Variants in TRPM8 observed in about 807,000 individuals in gnomAD.
TRPM8 encodes TRPM8 cationic channel.
In TRPM8, 110 loss-of-function variants were observed where a neutral mutation model predicts 133.7. The observed-to-expected ratio is 0.82, with a 90% CI of 0.70 to 0.96. The LOEUF is 0.96. Ranked by LOEUF, TRPM8 falls within the 40% of genes least tolerant of loss-of-function variation. The pLI, the probability that TRPM8 is intolerant of heterozygous loss-of-function variation, is 0.00. For synonymous variants in TRPM8, 535 were observed against 532.3 expected, an observed-to-expected ratio of 1.01 and a Z score of -0.07; for missense variants, 1,291 against 1,379.5, an observed-to-expected ratio of 0.94 and a Z score of 1.02.
rs1278273436 is a variant in TRPM8, at chr2:233,927,778, CTTTCTTTCTTTCTTTTCT to C, written c.117+1127_117+1144del. Among the ~76,000 whole-genome samples, 326 of 46,104 alleles carry C rather than the reference CTTTCTTTCTTTCTTTTCT, an allele frequency of 7.1e-3. 22 individuals are homozygous for C. Among genetic ancestry groups the C allele is most frequent in the African/African-American group, 0.04 (151 of 3,736 alleles). 30.2% of individuals were successfully genotyped at this position (46,104 alleles called of 152,430 possible). ...TCTTTCTTTCTTTCTTTCTTTCTTT[CTTTCTTTCTTTCTTTTCT>C]TTCCTTCCTTCCTTCCTTCCTTCCT... On this transcript the variant is annotated intron_variant, in intron 2 of 25. Transcript: ENST00000324695.
chr2:233,974,223 G>C (rs1313703661), intron 17 of TRPM8, among the ~76,000 whole-genome samples: 1 of 151,796 alleles, frequency 6.6e-6, no homozygotes, highest in Non-Finnish European at 1.5e-5. Context: ...AATTTTTTTT[G>C]TTTTTTAGTT....
intron 17 of TRPM8, among the ~76,000 whole-genome samples, chr2:233,978,920 A>G (rs945047060): frequency 6.6e-6 from 1 of 152,174 alleles, no homozygotes; most frequent in Non-Finnish European, 1.5e-5. Context: ...GCTTCTTGAG[A>G]AATTAATGAT....
chr2:233,947,036 GGTGA>G, intron 7 of TRPM8, 48 bp from the exon 8 acceptor site: 1 of 1,549,994 alleles, frequency 6.5e-7, no homozygotes, highest in East Asian at 2.3e-5. Context: ...CACAGAGGTA[GGTGA>G]GTATTTCTAA....
chr2:233,938,662 T>C (rs1233698601), intron 4 of TRPM8, among the ~76,000 whole-genome samples: 1 of 151,792 alleles, frequency 6.6e-6, no homozygotes, highest in Non-Finnish European at 1.5e-5. Context: ...TCTTTTGAGT[T>C]TCTGATTAGC....
rs571854277 is a variant in TRPM8, at chr2:233,928,312, G to T, written c.117+1658G>T. Among the ~76,000 whole-genome samples, 61 of 152,230 alleles carry T rather than the reference G, an allele frequency of 4.0e-4. 1 individual carries two copies. Among genetic ancestry groups the T allele is most frequent in the Middle Eastern group, 3.4e-3 (1 of 294 alleles). On this transcript the variant is annotated intron_variant, in intron 2 of 25. Coordinates refer to ENST00000324695, the MANE Select transcript of TRPM8 (RefSeq NM_024080.5). Reference sequence around the variant, plus strand: ...AGCCTGCCACTGTGACCTCCTGCTGGATGGGTCTCCTCTCCTCAGCCCCTG... The same window carrying T: ...AGCCTGCCACTGTGACCTCCTGCTGTATGGGTCTCCTCTCCTCAGCCCCTG...
At chr2:233,925,057 T>C (rs1691487211) in intron 1 of TRPM8, among the ~76,000 whole-genome samples, 1 of 151,830 alleles carries the variant, frequency 6.6e-6, no homozygotes, top group African/African-American at 2.4e-5. Flanking sequence ...GATGGAGGAG[T>C]CATGGCCCCC....
intron 22 of TRPM8, among the ~76,000 whole-genome samples, chr2:233,999,634 C>A (rs918777794): frequency 3.3e-5 from 5 of 152,218 alleles, no homozygotes; most frequent in Non-Finnish European, 7.3e-5. Context: ...AGAAGGGGAG[C>A]TTCTCACTGC....
rs1692918880 is a variant in TRPM8 at position 234,014,783 on chromosome 2, G to A, written c.*42+129G>A. 5 of 272,280 alleles carry A rather than the reference G, an allele frequency of 1.8e-5. No individual in the cohort carries two copies. The South Asian group carries it at 1.9e-4, about 10-fold the overall frequency. The allele number at this position is 272,280 out of a possible 1,614,324, so 16.9% of individuals were successfully genotyped here. On this transcript the variant is annotated intron_variant, in intron 25 of 25. Coordinates refer to ENST00000324695, the MANE Select transcript of TRPM8 (RefSeq NM_024080.5). ...ACCAAATTTGAAAATAATGCATTGT[G>A]CAAAAAAAAAAAATACAGAGATAGA...
intron 17 of TRPM8, among the ~76,000 whole-genome samples, chr2:233,971,684 C>T (rs1691723842): frequency 1.3e-5 from 2 of 152,084 alleles, no homozygotes; most frequent in African/African-American, 4.8e-5. Flanking sequence ...TTCGGAGTTT[C>T]TTCCTTCTGG....
At chr2:233,920,465 C>T (rs1316760662) in intron 1 of TRPM8, among the ~76,000 whole-genome samples, 1 of 152,130 alleles carries the variant, frequency 6.6e-6, no homozygotes, top group Non-Finnish European at 1.5e-5. Context: ...TGGACAAATC[C>T]TTAGCTATCT....
intron 13 of TRPM8, 43 bp downstream of exon 13, chr2:233,963,420 T>G (rs756023296): frequency 4.7e-6 from 6 of 1,264,030 alleles, no homozygotes; most frequent in Non-Finnish European, 6.9e-6. Flanking sequence ...AAATATATGC[T>G]TTGTTATAAC....
chr2:233,951,655 C>T (rs1181596657), intron 9 of TRPM8, among the ~76,000 whole-genome samples: 1 of 152,164 alleles, frequency 6.6e-6, no homozygotes, highest in African/African-American at 2.4e-5. Flanking sequence ...ATTATCCTTT[C>T]TGCAATTCAT....
chr2:233,977,654 T>C (rs1412854680), intron 17 of TRPM8, among the ~76,000 whole-genome samples: 1 of 152,184 alleles, frequency 6.6e-6, no homozygotes, highest in Non-Finnish European at 1.5e-5. Context: ...GGACAGTTCC[T>C]GTGGCCTCCC....
intron 12 of TRPM8, 72 bp from the exon 13 acceptor site, chr2:233,963,210 A>G: frequency 2.1e-6 from 2 of 943,138 alleles, no homozygotes; most frequent in South Asian, 1.7e-5. Context: ...AACATGGGCT[A>G]CTCTCCTAGG....
intron 21 of TRPM8, among the ~76,000 whole-genome samples, chr2:233,993,948 T>C (rs1301904796): frequency 2.6e-5 from 4 of 152,252 alleles, no homozygotes; most frequent in Admixed American, 1.3e-4. Context: ...TGACTAGATA[T>C]ATAGTCAAAG....
In TRPM8 at chr2:233,950,084, C is replaced by G; in HGVS notation, c.1078C>G (p.Arg360Gly). 1 of 1,613,878 alleles carries G rather than the reference C, an allele frequency of 6.2e-7. No individual in the cohort carries two copies. The highest frequency in any genetic ancestry group is 1.3e-5 in the African/African-American group (1 of 75,050). The change falls in exon 9 of 26, where the codon CGC becomes GGC. Residue 360 changes from arginine (R) to glycine (G), a missense_variant. Arg to Gly is a moderately radical substitution (Grantham distance 125). Transcript: ENST00000324695. ...TSSAVKEKLV[R>G]FLPRTVSRLP... Reference sequence around the variant, plus strand: ...TTCTGCCGTCAAGGAGAAGCTGGTGCGCTTTTTACCCCGCACGGTGTCCCG... The same window carrying G: ...TTCTGCCGTCAAGGAGAAGCTGGTGGGCTTTTTACCCCGCACGGTGTCCCG...
At chr2:233,919,868 A>G (rs967590866) in intron 1 of TRPM8, among the ~76,000 whole-genome samples, 1 of 152,206 alleles carries the variant, frequency 6.6e-6, no homozygotes, top group South Asian at 2.1e-4. Context: ...CAAAATTAAC[A>G]TGATATTGCC....
chr2:234,006,756 A>T, intron 22 of TRPM8, 97 bp from the exon 23 acceptor site: 1 of 828,250 alleles, frequency 1.2e-6, no homozygotes, highest in Non-Finnish European at 1.9e-6. Context: ...TCTCATTCTT[A>T]GTTCTAGAGT....
intron 2 of TRPM8, among the ~76,000 whole-genome samples, chr2:233,928,997 C>CTTTTTTT (rs750819533): frequency 1.7e-5 from 2 of 117,792 alleles, no homozygotes; most frequent in African/African-American, 7.8e-5. Context: ...AGTTTCTTTT[C>CTTTTTTT]TTTTTTTTTT....
Sources: allele counts gnomAD v4.1 joint callset (sites outside exome capture counted in the v4.1 genomes callset), GRCh38; gene constraint gnomAD v4.1.1; transcripts MANE v1.5; gene names NCBI Gene and HGNC (gene_info 2026-07-23, HGNC 2026-07-21).